Variants in SUGCT observed in about 807,000 individuals in gnomAD.
The protein encoded by SUGCT is succinyl-CoA:glutarate CoA-transferase.
Under a neutral mutation model 55.0 loss-of-function variants are expected in SUGCT, and 41 were observed. The observed-to-expected ratio is 0.74, with a 90% CI of 0.58 to 0.97. SUGCT has a LOEUF of 0.97. Ranked by LOEUF, SUGCT falls within the 50% of genes least tolerant of loss-of-function variation. The pLI is 0.00. For missense variants in SUGCT, 568 were observed against 547.8 expected (o/e 1.04, Z -0.37); for synonymous variants, 187 against 200.4 (o/e 0.93, Z 0.56).
the SUGCT span, among the ~76,000 whole-genome samples, chr7:40,910,578 T>G: frequency 6.6e-6 from 1 of 152,186 alleles, no homozygotes; most frequent in African/African-American, 2.4e-5. Flanking sequence ...AATGCCTGCC[T>G]ATGTGTCTAG....
the SUGCT span, among the ~76,000 whole-genome samples, chr7:41,007,054 A>G: frequency 6.6e-6 from 1 of 151,798 alleles, no homozygotes; most frequent in African/African-American, 2.4e-5. Flanking sequence ...TCTGGAAAAA[A>G]TTTTCATTTT....
rs374266722 is a variant in SUGCT at position 40,575,123 on chromosome 7, GGT to G, written c.1089+78739_1089+78740del. Among the ~76,000 whole-genome samples the G allele has an allele frequency of 1.0e-3, 151 of 143,882 alleles. 1 individual carries two copies. Among genetic ancestry groups the G allele is most frequent in the African/African-American group, 4.1e-3 (140 of 34,346 alleles). 94.4% of individuals were successfully genotyped at this position (143,882 alleles called of 152,430 possible). Reference sequence around the variant, plus strand: ...GGATGGTGGGCAGGAGGGTGGCGGGGGTGGGGGTGGAGATGGGTGAAGTTTTG... The same window carrying G: ...GGATGGTGGGCAGGAGGGTGGCGGGGGGGGGTGGAGATGGGTGAAGTTTTG... On this transcript the variant is annotated intron_variant, in intron 12 of 13. Coordinates refer to ENST00000335693, the MANE Select transcript of SUGCT (RefSeq NM_001193313.2).
At chr7:40,911,517 G>A in the SUGCT span, among the ~76,000 whole-genome samples, 5 of 150,568 alleles carry the variant, frequency 3.3e-5, no homozygotes, top group African/African-American at 7.4e-5. Context: ...ACAGTGAGCC[G>A]TGATTGCGCC....
intron 1 of SUGCT, among the ~76,000 whole-genome samples, chr7:40,175,972 C>T (rs1040026397): frequency 6.6e-5 from 10 of 152,032 alleles, no homozygotes; most frequent in Non-Finnish European, 1.0e-4. Flanking sequence ...TGGCTCATGC[C>T]GGTAATGCCA....
intron 8 of SUGCT, among the ~76,000 whole-genome samples, chr7:40,299,625 G>C (rs1794402317): frequency 6.8e-6 from 1 of 146,302 alleles, no homozygotes; most frequent in African/African-American, 2.5e-5. Flanking sequence ...AAAATCTCTT[G>C]GGTTTTAAAA....
chr7:41,024,282 A>T, the SUGCT span, among the ~76,000 whole-genome samples: 1 of 152,242 alleles, frequency 6.6e-6, no homozygotes. Context: ...ATAAGCTTGG[A>T]TGGAGAAGGA....
At chr7:40,265,908 G>A (rs769564174) in intron 7 of SUGCT, among the ~76,000 whole-genome samples, 1 of 151,996 alleles carries the variant, frequency 6.6e-6, no homozygotes, top group Non-Finnish European at 1.5e-5. Context: ...CTGAGATCAC[G>A]CCCCTGCACT....
chr7:40,248,459 C>T (rs1396486516), intron 7 of SUGCT, among the ~76,000 whole-genome samples: 3 of 152,130 alleles, frequency 2.0e-5, no homozygotes, highest in Admixed American at 6.6e-5. Flanking sequence ...GTTTATTTAA[C>T]CTTCTCTTGC....
chr7:40,393,714 G>C (rs1411165212), intron 9 of SUGCT, among the ~76,000 whole-genome samples: 2 of 152,104 alleles, frequency 1.3e-5, no homozygotes, highest in Admixed American at 1.3e-4. Flanking sequence ...GTAGAGGATG[G>C]ACCTTGCACG....
chr7:40,904,311 C>T, the SUGCT span, among the ~76,000 whole-genome samples: 6 of 152,186 alleles, frequency 3.9e-5, no homozygotes, highest in South Asian at 2.1e-4. Context: ...GTGTTTGCCT[C>T]ATGGAGGCAG....
chr7:40,442,760 A>G (rs138360439), intron 9 of SUGCT, among the ~76,000 whole-genome samples: 274 of 152,286 alleles, frequency 1.8e-3, no homozygotes, highest in African/African-American at 5.9e-3. Flanking sequence ...TCCAGGGTAC[A>G]TGTTTACAAC....
At position 40,858,403 on chromosome 7, in the gene SUGCT, CAAAAAAAAAAAAAAAAAA is replaced by C. The variant is rs58628576; in HGVS notation, c.1154-1904_1154-1887del. Among the ~76,000 whole-genome samples, 3 of 34,754 alleles carry C rather than the reference CAAAAAAAAAAAAAAAAAA, an allele frequency of 8.6e-5. No individual in the cohort carries two copies. In the South Asian group the frequency reaches 3.6e-3, roughly 42 times the overall value. 22.8% of individuals were successfully genotyped at this position (34,754 alleles called of 152,430 possible). A position where few individuals can be genotyped will look rare whatever the true frequency, so the allele number is the denominator to read the frequency against. On this transcript the variant is annotated intron_variant, in intron 13 of 13. Transcript: ENST00000335693. ...GGGCAACAAGAGCAAAATTCCATCTCAAAAAAAAAAAAAAAAAAAAAAAAAAGAAAAGAAATGGTAGCT... is the reference window on the plus strand; with the variant it reads ...GGGCAACAAGAGCAAAATTCCATCTCAAAAAAAAGAAAAGAAATGGTAGCT...
At chr7:40,834,160 ATG>A (rs1032278180) in intron 13 of SUGCT, among the ~76,000 whole-genome samples, 17 of 144,632 alleles carry the variant, frequency 1.2e-4, no homozygotes, top group Non-Finnish European at 2.2e-4. Context: ...GTGACTAGGT[ATG>A]TCTTTGTGGG....
intron 9 of SUGCT, among the ~76,000 whole-genome samples, chr7:40,407,205 G>A (rs898885398): frequency 5.9e-5 from 9 of 151,966 alleles, no homozygotes; most frequent in South Asian, 2.1e-4. Context: ...AAATTTTGCC[G>A]TTCACGTATC....
At chr7:40,850,002 G>C (rs535165773) in intron 13 of SUGCT, among the ~76,000 whole-genome samples, 1 of 152,248 alleles carries the variant, frequency 6.6e-6, no homozygotes, top group South Asian at 2.1e-4. Flanking sequence ...AAATTCATTT[G>C]AAAACAGGAG....
intron 12 of SUGCT, among the ~76,000 whole-genome samples, chr7:40,686,406 A>C (rs1174112019): frequency 6.6e-6 from 1 of 152,198 alleles, no homozygotes; most frequent in African/African-American, 2.4e-5. Context: ...TATATGAAAA[A>C]CATTAATCTA....
chr7:40,359,651 C>G (rs1008511630), intron 9 of SUGCT, among the ~76,000 whole-genome samples: 25 of 152,168 alleles, frequency 1.6e-4, no homozygotes, highest in African/African-American at 6.0e-4. Context: ...GTCAAACTGC[C>G]TTTCTCACGT....
At chr7:40,993,734 T>C in the SUGCT span, among the ~76,000 whole-genome samples, 1 of 152,138 alleles carries the variant, frequency 6.6e-6, no homozygotes, top group African/African-American at 2.4e-5. Context: ...AGATTTGAAG[T>C]TGGAAGAACT....
Position 40,698,670 on chromosome 7 carries a change from A to G in SUGCT, c.1090-50764A>G, listed in dbSNP as rs528000804. Among the ~76,000 whole-genome samples the G allele has an allele frequency of 2.6e-5, 4 of 152,322 alleles. No individual in the cohort carries two copies. The East Asian group carries it at 7.7e-4, about 29-fold the overall frequency. ...GTCAGCCTTGTCTAATTGGTTGCTA[A>G]GATTGGGCTTCGTATCCAGTTAGGG... On this transcript the variant is annotated intron_variant, in intron 12 of 13. Transcript: ENST00000335693.
Sources: allele counts gnomAD v4.1 joint callset (sites outside exome capture counted in the v4.1 genomes callset), GRCh38; gene constraint gnomAD v4.1.1; transcripts MANE v1.5; gene names NCBI Gene and HGNC (gene_info 2026-07-23, HGNC 2026-07-21).